Variants in GRM1 observed in about 807,000 individuals in gnomAD.
GRM1 encodes glutamate metabotropic receptor 1, also known as metabotropic glutamate receptor 1.
GRM1 carries 33 observed loss-of-function variants against 90.9 expected under a neutral mutation model. That is an observed-to-expected ratio of 0.36 (90% CI 0.28 to 0.49). The LOEUF (loss-of-function observed/expected upper bound fraction) is 0.49. Among genes scored for constraint, GRM1 ranks in the 20% least tolerant of loss-of-function variants. GRM1 has a pLI of 0.99. For synonymous variants in GRM1, 700 were observed against 613.2 expected, an observed-to-expected ratio of 1.14 and a Z score of -2.09; for missense variants, 1,190 against 1,534.3, an observed-to-expected ratio of 0.78 and a Z score of 3.75.
intron 3 of GRM1, among the ~76,000 whole-genome samples, chr6:146,305,297 A>T (rs1375774614): frequency 1.3e-5 from 2 of 152,084 alleles, no homozygotes; most frequent in African/African-American, 4.8e-5. Flanking sequence ...GTTTGTGGGC[A>T]TAGGGGCCAA....
rs1184739408 is a variant in GRM1 at position 146,272,582 on chromosome 6, A to G, written c.951-32029A>G. The stretch of plus-strand genomic sequence containing the variant: ...TCTATGATCAATACAGTACATTAGG[A>G]ACACCATGAGAATACTACAAATATT... On this transcript the variant is annotated intron_variant, in intron 2 of 7. Coordinates refer to ENST00000282753, the MANE Select transcript of GRM1 (RefSeq NM_001278064.2). Among the ~76,000 whole-genome samples the G allele has an allele frequency of 2.6e-5, 4 of 152,190 alleles. No homozygotes were observed. In the South Asian group the frequency reaches 8.3e-4, roughly 32 times the overall value.
At chr6:146,192,250 T>C (rs1481543993) in intron 2 of GRM1, among the ~76,000 whole-genome samples, 1 of 152,228 alleles carries the variant, frequency 6.6e-6, no homozygotes, top group East Asian at 1.9e-4. Context: ...TATGACAGTA[T>C]GTTGAAATAG....
In GRM1 at chr6:146,179,544, C is replaced by T. The variant is rs141426326; in HGVS notation, c.950+19947C>T. Among the ~76,000 whole-genome samples, 141 of 152,296 alleles carry T rather than the reference C, an allele frequency of 9.3e-4. 1 individual carries two copies. The highest frequency in any genetic ancestry group is 3.1e-3 in the African/African-American group (129 of 41,562). ...TTTGTTTTGTTCTGAGACGGAGTTT[C>T]GCTTTGTCGCCCAGGCGGGAGTGCA... On this transcript the variant is annotated intron_variant, in intron 2 of 7. Coordinates refer to ENST00000282753, the MANE Select transcript of GRM1 (RefSeq NM_001278064.2).
chr6:146,205,082 T>C (rs1779448566), intron 2 of GRM1, among the ~76,000 whole-genome samples: 1 of 152,236 alleles, frequency 6.6e-6, no homozygotes, highest in Non-Finnish European at 1.5e-5. Context: ...ATTTAATCTA[T>C]TTCTAATTAG....
rs1323189174 is a variant in GRM1 at position 146,434,383 on chromosome 6, C to T, written c.3172C>T (p.Pro1058Ser). The T allele has an allele frequency of 1.2e-6, 2 of 1,613,282 alleles. No homozygotes were observed. Among genetic ancestry groups the T allele is most frequent in the African/African-American group, 1.3e-5 (1 of 75,058 alleles). The change falls in exon 8 of 8, where the codon CCC becomes TCC. Residue 1058 changes from proline (P) to serine (S), a missense_variant. By Grantham distance (74) the Pro-to-Ser change is moderately conservative. Coordinates refer to ENST00000282753, the MANE Select transcript of GRM1 (RefSeq NM_001278064.2). ...CGCGGTGCTGGCAGGCCCCGGTGGT[C>T]CCGGGAACGGGCTGCGGTCCCTGTA... ...FHAVLAGPGG[P>S]GNGLRSLYPP... is the part of the protein sequence containing the mutation.
chr6:146,286,444 T>C (rs931674828), intron 2 of GRM1, among the ~76,000 whole-genome samples: 7 of 152,338 alleles, frequency 4.6e-5, no homozygotes, highest in Non-Finnish European at 8.8e-5. Flanking sequence ...TTAGATTAGA[T>C]TGGATTTAGA....
At chr6:146,236,343 C>T (rs1004160954) in intron 2 of GRM1, among the ~76,000 whole-genome samples, 1 of 152,108 alleles carries the variant, frequency 6.6e-6, no homozygotes, top group African/African-American at 2.4e-5. Flanking sequence ...AATGGAGGTT[C>T]GTTTGCTAGA....
chr6:146,134,853 C>G (rs1776555587), intron 1 of GRM1, among the ~76,000 whole-genome samples: 1 of 152,094 alleles, frequency 6.6e-6, no homozygotes, highest in Non-Finnish European at 1.5e-5. Context: ...ATGGCGGGAA[C>G]CCGGGAGGCA....
At chr6:146,055,017 T>G (rs1200849918) in intron 1 of GRM1, among the ~76,000 whole-genome samples, 1 of 152,036 alleles carries the variant, frequency 6.6e-6, no homozygotes, top group Non-Finnish European at 1.5e-5. Flanking sequence ...TGGGGCGATT[T>G]GCCTTGGGTT....
intron 1 of GRM1, among the ~76,000 whole-genome samples, chr6:146,148,976 G>A (rs895670738): frequency 3.3e-5 from 5 of 152,114 alleles, no homozygotes; most frequent in African/African-American, 1.2e-4. Flanking sequence ...AAACCACAGT[G>A]GGAAATGCTG....
At chr6:146,335,021 G>C (rs1784720617) in intron 3 of GRM1, among the ~76,000 whole-genome samples, 1 of 152,018 alleles carries the variant, frequency 6.6e-6, no homozygotes. Flanking sequence ...CCATTATGGG[G>C]GTTTTGCTTT....
intron 3 of GRM1, among the ~76,000 whole-genome samples, chr6:146,327,033 GT>G (rs1376487469): frequency 1.3e-4 from 20 of 152,106 alleles, no homozygotes; most frequent in African/African-American, 4.8e-4. Flanking sequence ...TCCACAATCA[GT>G]TTCCCTGACT....
intron 1 of GRM1, among the ~76,000 whole-genome samples, chr6:146,109,543 G>A (rs755211279): frequency 1.7e-4 from 26 of 152,204 alleles, no homozygotes; most frequent in African/African-American, 2.7e-4. Context: ...GGTCCTCATG[G>A]AGAACCTCTG....
intron 2 of GRM1, among the ~76,000 whole-genome samples, chr6:146,196,535 G>C: frequency 7.1e-6 from 1 of 141,468 alleles, no homozygotes; most frequent in Non-Finnish European, 1.5e-5. Context: ...TCGATCTCCT[G>C]ACCTCATGAT....
chr6:146,115,843 A>T (rs990993644), intron 1 of GRM1, among the ~76,000 whole-genome samples: 3 of 152,196 alleles, frequency 2.0e-5, no homozygotes, highest in African/African-American at 7.2e-5. Context: ...ATTAATGAAT[A>T]GACAAACAAG....
chr6:146,196,587 G>A (rs1005975975), intron 2 of GRM1, among the ~76,000 whole-genome samples: 1 of 148,782 alleles, frequency 6.7e-6, no homozygotes, highest in Non-Finnish European at 1.5e-5. Flanking sequence ...TTACAGGCAT[G>A]AGCCACCATG....
intron 3 of GRM1, among the ~76,000 whole-genome samples, chr6:146,309,104 T>C (rs1028760183): frequency 2.6e-5 from 4 of 152,108 alleles, no homozygotes; most frequent in Admixed American, 2.6e-4. Context: ...AATCAAGAGA[T>C]ATAAACATTT....
intron 2 of GRM1, among the ~76,000 whole-genome samples, chr6:146,187,137 A>AT (rs1778763697): frequency 6.6e-6 from 1 of 152,186 alleles, no homozygotes; most frequent in South Asian, 2.1e-4. Flanking sequence ...AGATTGGTTG[A>AT]TTGTGTTTAA....
intron 2 of GRM1, among the ~76,000 whole-genome samples, chr6:146,267,699 TCGG>T (rs1228795749): frequency 1.6e-4 from 16 of 99,668 alleles, no homozygotes; most frequent in African/African-American, 9.2e-4. Context: ...TCGGCTCGGC[TCGG>T]CTCGTCTCGT....
Sources: gnomAD v4.1 joint callset for allele counts (sites outside exome capture counted in the v4.1 genomes callset) on GRCh38, gnomAD v4.1.1 for gene constraint, MANE v1.5 for transcripts, NCBI Gene and HGNC (gene_info 2026-07-23, HGNC 2026-07-21) for gene names.